CFLAR: variants seen among roughly 807,000 people sequenced by gnomAD.
The protein encoded by CFLAR is CASP8 and FADD-like apoptosis regulator.
A neutral mutation model predicts 51.1 loss-of-function variants in CFLAR; 14 were observed. The observed-to-expected ratio is 0.27, with a 90% CI of 0.18 to 0.43. The LOEUF (loss-of-function observed/expected upper bound fraction) is 0.43, where lower values mean the gene tolerates loss of function less well. CFLAR is among the 20% of genes least tolerant of loss of function. The pLI is 1.00. For missense variants in CFLAR, 390 were observed against 566.5 expected (o/e 0.69, Z 3.16); for synonymous variants, 210 against 211.6 (o/e 0.99, Z 0.06).
rs914306450 is a variant in CFLAR, at chr2:201,171,673, A to C, written c.*7700A>C. 5.5e-5 allele frequency: 6 copies of C among 109,082 alleles called. No homozygotes were observed. Among genetic ancestry groups the C allele is most frequent in the African/African-American group, 2.5e-4 (6 of 24,330 alleles). 6.8% of individuals were successfully genotyped at this position (109,082 alleles called of 1,614,324 possible). ...CTTAAAATATTTTAAAAATCTTTAG[A>C]GAATACAAAAAAAAAAAAAAAGATT... On this transcript the variant is annotated 3_prime_UTR_variant, in exon 10 of 10. Coordinates refer to ENST00000309955, the MANE Select transcript of CFLAR (RefSeq NM_003879.7).
chr2:201,140,247 T>C (rs985515701), intron 4 of CFLAR, 110 bp from the exon 5 acceptor site: 60 of 1,376,536 alleles, frequency 4.4e-5, no homozygotes, highest in Non-Finnish European at 5.7e-5. Context: ...GGCTAGAAAG[T>C]TTAGGGTATT....
rs1943328474 is a variant in CFLAR, at chr2:201,164,198, AG to A, written c.*228del. 1 of 373,538 alleles carries A rather than the reference AG, an allele frequency of 2.7e-6. No homozygotes were observed. The highest frequency in any genetic ancestry group is 3.8e-5 in the South Asian group (1 of 26,368). The allele number at this position is 373,538 out of a possible 1,614,324, so 23.1% of individuals were successfully genotyped here. A position where few individuals can be genotyped will look rare whatever the true frequency, so the allele number is the denominator to read the frequency against. On this transcript the variant is annotated 3_prime_UTR_variant, in exon 10 of 10. Coordinates refer to ENST00000309955, the MANE Select transcript of CFLAR (RefSeq NM_003879.7). Reference sequence around the variant, plus strand: ...GAGGATCTTTTGAACCCAGGAGTTCAGGGTCATAGCATGCTGTGATTGTGCC... The same window carrying A: ...GAGGATCTTTTGAACCCAGGAGTTCAGGTCATAGCATGCTGTGATTGTGCC...
At position 201,166,900 on chromosome 2, in the gene CFLAR, C is replaced by A. The variant is rs377406412; in HGVS notation, c.*2927C>A. 1 of 117,828 alleles carries A rather than the reference C, an allele frequency of 8.5e-6. No individual in the cohort carries two copies. The highest frequency in any genetic ancestry group is 3.2e-5 in the African/African-American group (1 of 31,224). The allele number at this position is 117,828 out of a possible 1,614,324, so 7.3% of individuals were successfully genotyped here. On this transcript the variant is annotated 3_prime_UTR_variant, in exon 10 of 10. Coordinates refer to ENST00000309955, the MANE Select transcript of CFLAR (RefSeq NM_003879.7). ...ATCAGGCAGGGAGGCTGCAGTGAGC[C>A]GAGATGGCAGCAGTACAGTCCAGCT...
rs1944135059 is a variant in CFLAR at position 201,174,344 on chromosome 2, T to G, written c.*10371T>G. ...TTTTGCACATAAATGTTCACTTGTCTTAGCATTACTTATTGAAAATACTAT... is the reference window on the plus strand; with the variant it reads ...TTTTGCACATAAATGTTCACTTGTCGTAGCATTACTTATTGAAAATACTAT... On this transcript the variant is annotated 3_prime_UTR_variant, in exon 10 of 10. Coordinates refer to ENST00000309955, the MANE Select transcript of CFLAR (RefSeq NM_003879.7). The G allele has an allele frequency of 6.6e-6, 1 of 152,218 alleles. No homozygotes were observed. The highest frequency in any genetic ancestry group is 2.4e-5 in the African/African-American group (1 of 41,452). The allele number at this position is 152,218 out of a possible 1,614,324, so 9.4% of individuals were successfully genotyped here.
chr2:201,130,175 G>C, intron 2 of CFLAR, 29 bp downstream of exon 2: 1 of 1,387,870 alleles, frequency 7.2e-7, no homozygotes, highest in Non-Finnish European at 9.6e-7. Flanking sequence ...CTGAGGCTGG[G>C]TGGGTGGGAG....
intron 6 of CFLAR, chr2:201,148,595 C>T (rs984203976): frequency 1.2e-5 from 2 of 163,864 alleles, no homozygotes; most frequent in African/African-American, 4.8e-5. Flanking sequence ...ACTTTCCCTG[C>T]TCTGCACTCT....
In CFLAR at chr2:201,138,268, C is replaced by T; in HGVS notation, c.524-2089C>T. The T allele has an allele frequency of 2.5e-6, 2 of 810,912 alleles. No homozygotes were observed. The highest frequency in any genetic ancestry group is 4.4e-6 in the Non-Finnish European group (2 of 451,578). The allele number at this position is 810,912 out of a possible 1,614,324, so 50.2% of individuals were successfully genotyped here. On this transcript the variant is annotated intron_variant, in intron 4 of 9. Coordinates refer to ENST00000309955, the MANE Select transcript of CFLAR (RefSeq NM_003879.7). The surrounding 1 kb of genome is among the most constrained non-coding windows in gnomAD (Gnocchi z 4.0). Reference sequence around the variant, plus strand: ...CCAAGCCTATGACATTGACGCCTACCTGGGTGAGCAGGTCCAGGTGGTATT... The same window carrying T: ...CCAAGCCTATGACATTGACGCCTACTTGGGTGAGCAGGTCCAGGTGGTATT...
chr2:201,164,814 C>G lies in CFLAR; in HGVS notation c.*841C>G, dbSNP rs1384157724. The stretch of plus-strand genomic sequence containing the variant: ...CAGGTGACTTAAACAGCAGTTATTT[C>G]TCACAGTTCCGGAGGCTGGGAAATC... On this transcript the variant is annotated 3_prime_UTR_variant, in exon 10 of 10. Coordinates refer to ENST00000309955, the MANE Select transcript of CFLAR (RefSeq NM_003879.7). The G allele has an allele frequency of 1.3e-5, 2 of 152,238 alleles. No individual in the cohort carries two copies. The highest frequency in any genetic ancestry group is 4.8e-5 in the African/African-American group (2 of 41,472). The allele number at this position is 152,238 out of a possible 1,614,324, so 9.4% of individuals were successfully genotyped here. A position where few individuals can be genotyped will look rare whatever the true frequency, so the allele number is the denominator to read the frequency against.
At chr2:201,152,276 A>G (rs1381716880) in intron 8 of CFLAR, among the ~76,000 whole-genome samples, 1 of 152,090 alleles carries the variant, frequency 6.6e-6, no homozygotes, top group East Asian at 1.9e-4. Flanking sequence ...GATTACAGGC[A>G]TGAGCCACCA....
chr2:201,174,519 T>C lies in CFLAR; in HGVS notation c.*10546T>C, dbSNP rs1454390677. The C allele has an allele frequency of 6.6e-6, 1 of 152,212 alleles. No individual in the cohort carries two copies. Among genetic ancestry groups the C allele is most frequent in the African/African-American group, 2.4e-5 (1 of 41,442 alleles). 9.4% of individuals were successfully genotyped at this position (152,212 alleles called of 1,614,324 possible). A position where few individuals can be genotyped will look rare whatever the true frequency, so the allele number is the denominator to read the frequency against. The stretch of plus-strand genomic sequence containing the variant: ...TAGTAAGTTTTGGAATCCAGAAATG[T>C]AGTCCTCTAACTTTGTTGTTGTTGT... On this transcript the variant is annotated 3_prime_UTR_variant, in exon 10 of 10. Coordinates refer to ENST00000309955, the MANE Select transcript of CFLAR (RefSeq NM_003879.7).
rs562919732 is a variant in CFLAR, at chr2:201,138,932, A to G, written c.524-1425A>G. The stretch of plus-strand genomic sequence containing the variant: ...GTCCACCTCATCAGCTATGAAGTCT[A>G]TGAATCCTGGGAGAATCAAGAAGTC... On this transcript the variant is annotated intron_variant, in intron 4 of 9. Transcript: ENST00000309955. The surrounding 1 kb of genome is among the most constrained non-coding windows in gnomAD (Gnocchi z 4.0). The G allele has an allele frequency of 4.7e-6, 3 of 632,602 alleles. No homozygotes were observed. The highest frequency in any genetic ancestry group is 3.7e-5 in the East Asian group (1 of 27,220). The allele number at this position is 632,602 out of a possible 1,614,324, so 39.2% of individuals were successfully genotyped here. A position where few individuals can be genotyped will look rare whatever the true frequency, so the allele number is the denominator to read the frequency against.
intron 9 of CFLAR, among the ~76,000 whole-genome samples, chr2:201,161,583 T>G (rs1943015021): frequency 1.3e-5 from 2 of 151,364 alleles, no homozygotes; most frequent in Non-Finnish European, 2.9e-5. Flanking sequence ...CCTGGCTAAT[T>G]TTTGTATTTT....
chr2:201,170,112 C>G lies in CFLAR; in HGVS notation c.*6139C>G, dbSNP rs144402426. ...AGCAATCCCATTACTGGGTATATAC[C>G]CAAAGGAATATAAACCATTTTATTA... On this transcript the variant is annotated 3_prime_UTR_variant, in exon 10 of 10. Coordinates refer to ENST00000309955, the MANE Select transcript of CFLAR (RefSeq NM_003879.7). The G allele has an allele frequency of 1.3e-5, 2 of 152,176 alleles. No homozygotes were observed. Among genetic ancestry groups the G allele is most frequent in the African/African-American group, 2.4e-5 (1 of 41,510 alleles). 9.4% of individuals were successfully genotyped at this position (152,176 alleles called of 1,614,324 possible).
At chr2:201,153,903 CTTTTTTTT>C (rs747813572) in intron 8 of CFLAR, among the ~76,000 whole-genome samples, 7 of 103,050 alleles carry the variant, frequency 6.8e-5, no homozygotes, top group South Asian at 3.0e-4. Context: ...TCTTTTCTTT[CTTTTTTTT>C]TTTTTTTTTT....
chr2:201,148,978 A>G (rs1291680439), intron 6 of CFLAR, 25 bp from the exon 7 acceptor site: 2 of 1,593,482 alleles, frequency 1.3e-6, no homozygotes, highest in South Asian at 1.1e-5. Context: ...AGCTTTGTAA[A>G]TGGTTTCTCT....
At chr2:201,149,427 T>TA (rs1433850870) in intron 7 of CFLAR, 1 of 296,154 alleles carries the variant, frequency 3.4e-6, no homozygotes, top group Non-Finnish European at 6.4e-6. Context: ...ACATGCCACT[T>TA]ATATAACTTC....
intron 5 of CFLAR, among the ~76,000 whole-genome samples, chr2:201,142,400 T>C (rs1939132667): frequency 6.6e-6 from 1 of 152,056 alleles, no homozygotes; most frequent in Non-Finnish European, 1.5e-5. Flanking sequence ...TACTGAGCAA[T>C]GCAATTTCAG....
At position 201,150,154 on chromosome 2, in the gene CFLAR, T is replaced by C. The variant is rs372365680; in HGVS notation, c.793+319T>C. 5.5e-4 allele frequency: 89 copies of C among 162,566 alleles called. 1 individual carries two copies. Among genetic ancestry groups the C allele is most frequent in the African/African-American group, 1.2e-3 (52 of 41,806 alleles). The allele number at this position is 162,566 out of a possible 1,614,324, so 10.1% of individuals were successfully genotyped here. The stretch of plus-strand genomic sequence containing the variant: ...TTCAAGACCAGCCTGGCCAATATGG[T>C]GAAACCCCGTCTCTACTAAAAATAC... On this transcript the variant is annotated intron_variant, in intron 8 of 9. Coordinates refer to ENST00000309955, the MANE Select transcript of CFLAR (RefSeq NM_003879.7).
rs1382572993 is a variant in CFLAR at position 201,174,016 on chromosome 2, C to A, written c.*10043C>A. 1 of 152,196 alleles carries A rather than the reference C, an allele frequency of 6.6e-6. No individual in the cohort carries two copies. Among genetic ancestry groups the A allele is most frequent in the Non-Finnish European group, 1.5e-5 (1 of 68,038 alleles). The allele number at this position is 152,196 out of a possible 1,614,324, so 9.4% of individuals were successfully genotyped here. On this transcript the variant is annotated 3_prime_UTR_variant, in exon 10 of 10. Transcript: ENST00000309955. The stretch of plus-strand genomic sequence containing the variant: ...AGTTGTAAGCATTCTTTTTAATATT[C>A]TGGATACTAGTTTCTTATCAGGTAC...
Sources: gnomAD v4.1 joint callset for allele counts (sites outside exome capture counted in the v4.1 genomes callset) on GRCh38, gnomAD v4.1.1 for gene constraint, Gnocchi (gnomAD v3.1) non-coding constraint, MANE v1.5 for transcripts, NCBI Gene and HGNC (gene_info 2026-07-23, HGNC 2026-07-21) for gene names.